Variants in GTF2I observed in about 807,000 individuals in gnomAD.
The protein encoded by GTF2I is general transcription factor IIi.
A neutral mutation model predicts 67.6 loss-of-function variants in GTF2I; 12 were observed. That is an observed-to-expected ratio of 0.18 (90% CI 0.11 to 0.29). The LOEUF (loss-of-function observed/expected upper bound fraction) is 0.29, where lower values mean the gene tolerates loss of function less well. GTF2I is among the 10% of genes least tolerant of loss of function. The pLI, the probability that GTF2I is intolerant of heterozygous loss-of-function variation, is 1.00. For missense variants in GTF2I, 271 were observed against 580.1 expected (o/e 0.47, Z 5.47); for synonymous variants, 149 against 197.0 (o/e 0.76, Z 2.04).
At chr7:74,754,277 TAG>T (rs1370685954) in intron 30 of GTF2I, 13 of 38,546 alleles carry the variant, frequency 3.4e-4, no homozygotes, top group Admixed American at 2.1e-3. Flanking sequence ...CTCCTATTTT[TAG>T]AGTCTTCCTG....
rs1554402941 is a variant in GTF2I at position 74,713,218 on chromosome 7, G to A, written c.764-1639G>A. On this transcript the variant is annotated intron_variant, in intron 9 of 34. Transcript: ENST00000573035. Reference sequence around the variant, plus strand: ...GCAATATTGGAAGCCAAAAACAGTAGTAGCAGGATAGAATAAGACTATGTC... The same window carrying A: ...GCAATATTGGAAGCCAAAAACAGTAATAGCAGGATAGAATAAGACTATGTC... 2.0e-5 allele frequency among the ~76,000 whole-genome samples: 3 copies of A among 152,302 alleles called. No individual in the cohort carries two copies. The East Asian group carries it at 5.8e-4, about 29-fold the overall frequency.
At chr7:74,678,581 C>T (rs1786910083) in intron 1 of GTF2I, among the ~76,000 whole-genome samples, 1 of 151,936 alleles carries the variant, frequency 6.6e-6, no homozygotes, top group Non-Finnish European at 1.5e-5. Context: ...AGTTTAAATC[C>T]ATTTCACCTT....
intron 8 of GTF2I, among the ~76,000 whole-genome samples, chr7:74,709,313 A>G (rs1554402120): frequency 6.6e-6 from 1 of 152,054 alleles, no homozygotes; most frequent in African/African-American, 2.4e-5. Flanking sequence ...CAGTCGTGCG[A>G]TCTCGGCTCA....
rs587686538 is a variant in GTF2I, at chr7:74,698,575, G to A, written c.239-386G>A. 2.0e-5 allele frequency among the ~76,000 whole-genome samples: 3 copies of A among 151,762 alleles called. No homozygotes were observed. In the East Asian group the frequency reaches 5.8e-4, roughly 29 times the overall value. On this transcript the variant is annotated intron_variant, in intron 3 of 34. Coordinates refer to ENST00000573035, the MANE Select transcript of GTF2I (RefSeq NM_032999.4). Reference sequence around the variant, plus strand: ...ACTGCAGACATACAACACTATACCTGGCTATTTTCATTTTTTTGCAGAGAT... The same window carrying A: ...ACTGCAGACATACAACACTATACCTAGCTATTTTCATTTTTTTGCAGAGAT...
rs1236451414 is a variant in GTF2I at position 74,657,902 on chromosome 7, G to A, written c.-172G>A. On this transcript the variant is annotated 5_prime_UTR_variant, in exon 1 of 35. Coordinates refer to ENST00000573035, the MANE Select transcript of GTF2I (RefSeq NM_032999.4). ...CGGGGCGGCCATGCGGCGGTGACAG[G>A]AGCGCGACCGACACGCACGGGCCCC... is the stretch of plus-strand genomic sequence containing the variant. 5 of 152,044 alleles carry A rather than the reference G, an allele frequency of 3.3e-5. No individual in the cohort carries two copies. The East Asian group carries it at 7.8e-4, about 24-fold the overall frequency. 9.4% of individuals were successfully genotyped at this position (152,044 alleles called of 1,614,324 possible).
chr7:74,726,967 A>G (rs587598027), intron 12 of GTF2I: 7 of 152,288 alleles, frequency 4.6e-5, no homozygotes, highest in African/African-American at 1.7e-4. Flanking sequence ...CTGCCGATAG[A>G]TAGATAGTTT....
chr7:74,701,433 G>A (rs1789728855), intron 6 of GTF2I, among the ~76,000 whole-genome samples: 1 of 151,686 alleles, frequency 6.6e-6, no homozygotes, highest in Non-Finnish European at 1.5e-5. Context: ...GCTTTATTGA[G>A]GTATAATTGA....
At chr7:74,673,833 A>G (rs1246005184) in intron 1 of GTF2I, among the ~76,000 whole-genome samples, 1 of 151,580 alleles carries the variant, frequency 6.6e-6, no homozygotes, top group Non-Finnish European at 1.5e-5. Context: ...GGCACCCACC[A>G]CCACACCCAG....
intron 1 of GTF2I, among the ~76,000 whole-genome samples, chr7:74,680,300 CT>C (rs1262553293): frequency 6.6e-6 from 1 of 150,946 alleles, no homozygotes; most frequent in East Asian, 1.9e-4. Flanking sequence ...TGACTGGAAC[CT>C]TGTTTTGAAG....
At chr7:74,708,558 T>C (rs1305439674) in intron 8 of GTF2I, among the ~76,000 whole-genome samples, 1 of 152,106 alleles carries the variant, frequency 6.6e-6, no homozygotes, top group Non-Finnish European at 1.5e-5. Flanking sequence ...GGGCCTGCTT[T>C]GGCCAGGCTG....
At chr7:74,693,499 T>C (rs139153903) in intron 3 of GTF2I, among the ~76,000 whole-genome samples, 115 of 152,144 alleles carry the variant, frequency 7.6e-4, no homozygotes, top group African/African-American at 2.7e-3. Flanking sequence ...ACCAATCGCC[T>C]GGTCCCCCAT....
chr7:74,685,201 C>T (rs368310161), intron 1 of GTF2I, among the ~76,000 whole-genome samples: 13 of 152,322 alleles, frequency 8.5e-5, no homozygotes, highest in African/African-American at 2.9e-4. Flanking sequence ...CAAAGTTACA[C>T]TTGTATGCAA....
At chr7:74,678,680 G>C (rs1400209974) in intron 1 of GTF2I, among the ~76,000 whole-genome samples, 1 of 152,126 alleles carries the variant, frequency 6.6e-6, no homozygotes, top group African/African-American at 2.4e-5. Context: ...GTCTTTCATT[G>C]TTAAAGGAGA....
intron 1 of GTF2I, among the ~76,000 whole-genome samples, chr7:74,666,444 T>C (rs1554388545): frequency 6.6e-6 from 1 of 152,174 alleles, no homozygotes; most frequent in African/African-American, 2.4e-5. Flanking sequence ...TATGTCCATA[T>C]GAGGAAAGGG....
intron 1 of GTF2I, among the ~76,000 whole-genome samples, chr7:74,660,773 C>A (rs1804416864): frequency 6.6e-6 from 1 of 151,998 alleles, no homozygotes; most frequent in African/African-American, 2.4e-5. Flanking sequence ...AGGAGCGCTC[C>A]ACCACGCCCG....
intron 1 of GTF2I, among the ~76,000 whole-genome samples, chr7:74,682,204 TG>T (rs1367689954): frequency 6.6e-6 from 1 of 152,240 alleles, no homozygotes; most frequent in Non-Finnish European, 1.5e-5. Flanking sequence ...AAAGTAGTTC[TG>T]GCTAATTCAT....
chr7:74,675,624 C>T (rs1805833883), intron 1 of GTF2I, among the ~76,000 whole-genome samples: 1 of 151,922 alleles, frequency 6.6e-6, no homozygotes, highest in Admixed American at 6.6e-5. Context: ...CCCTTGAAAA[C>T]TTAATGTTTT....
chr7:74,723,448 T>TTTTTTTTTTTAA, intron 12 of GTF2I, among the ~76,000 whole-genome samples: 1 of 143,624 alleles, frequency 7.0e-6, no homozygotes, highest in African/African-American at 2.6e-5. Context: ...TTTTTTTTTT[T>TTTTTTTTTTTAA]AAGACGGAGT....
In GTF2I at chr7:74,698,990, A is replaced by G; in HGVS notation, c.268A>G (p.Met90Val). The G allele has an allele frequency of 6.8e-7, 1 of 1,479,156 alleles. No individual in the cohort carries two copies. The highest frequency in any genetic ancestry group is 1.5e-5 in the South Asian group (1 of 68,034). 91.6% of individuals were successfully genotyped at this position (1,479,156 alleles called of 1,614,324 possible). A position where few individuals can be genotyped will look rare whatever the true frequency, so the allele number is the denominator to read the frequency against. ...CVEEEEKAAE[M>V]HKMKSTTQAN... ...TGAAGAAGAAGAAAAAGCTGCAGAG[A>G]TGCATAAAATGAAATCTACAACCCA... Residue 90 changes from methionine (M) to valine (V), a missense_variant, in exon 4 of 35, where the codon ATG becomes GTG. Physicochemically the swap from Met to Val is conservative, Grantham distance 21. This residue lies in a region of GTF2I where 72 missense variants were observed against 87.4 expected (regional missense o/e 0.82). Coordinates refer to ENST00000573035, the MANE Select transcript of GTF2I (RefSeq NM_032999.4).
Sources: gnomAD v4.1 joint callset for allele counts (sites outside exome capture counted in the v4.1 genomes callset) on GRCh38, gnomAD v4.1.1 for gene constraint, gnomAD v4.1.1 regional missense constraint, MANE v1.5 for transcripts, NCBI Gene and HGNC (gene_info 2026-07-23, HGNC 2026-07-21) for gene names.